SLC35D4: variants seen among roughly 807,000 people sequenced by gnomAD.
SLC35D4 encodes UDP-N-acetylglucosamine transporter SLC35D4.
the SLC35D4 span, among the ~76,000 whole-genome samples, chr18:23,328,499 G>T: frequency 6.6e-6 from 1 of 152,118 alleles, no homozygotes; most frequent in African/African-American, 2.4e-5. Flanking sequence ...ACTCACAAGG[G>T]ATGTAAAGGA....
the SLC35D4 span, among the ~76,000 whole-genome samples, chr18:23,419,546 C>A: frequency 4.6e-5 from 7 of 152,238 alleles, no homozygotes; most frequent in Admixed American, 4.6e-4. Context: ...CCTGTCTCGG[C>A]CTCCCAAAGT....
chr18:23,373,635 T>G, the SLC35D4 span: 1 of 1,518,582 alleles, frequency 6.6e-7, no homozygotes, highest in Non-Finnish European at 9.1e-7. Context: ...AAGGAAGGAC[T>G]AGGAAATTCT....
At chr18:23,411,533 GAAA>G in the SLC35D4 span, among the ~76,000 whole-genome samples, 7 of 151,308 alleles carry the variant, frequency 4.6e-5, no homozygotes, top group Non-Finnish European at 8.8e-5. Context: ...AAGAAAGAAA[GAAA>G]GAAAGAAAGA....
At chr18:23,390,154 T>C in the SLC35D4 span, among the ~76,000 whole-genome samples, 65 of 152,362 alleles carry the variant, frequency 4.3e-4, no homozygotes, top group Non-Finnish European at 7.6e-4. Flanking sequence ...ATCCCCATTA[T>C]ACGGTCAAGA....
At chr18:23,286,867 A>C in the SLC35D4 span, among the ~76,000 whole-genome samples, 1 of 152,048 alleles carries the variant, frequency 6.6e-6, no homozygotes, top group Non-Finnish European at 1.5e-5. Flanking sequence ...CCTGGATTAC[A>C]GCTGCATCTC....
At chr18:23,427,448 G>A in the SLC35D4 span, among the ~76,000 whole-genome samples, 66,945 of 151,608 alleles carry the variant, frequency 0.44, 16,009 homozygotes, top group Middle Eastern at 0.58. Context: ...TCAGAGAAAT[G>A]CAAATCAAAA....
chr18:23,337,544 T>A, the SLC35D4 span, among the ~76,000 whole-genome samples: 1 of 151,984 alleles, frequency 6.6e-6, no homozygotes, highest in African/African-American at 2.4e-5. Context: ...TAAAAAAAAA[T>A]TCATCTTTTT....
chr18:23,270,984 G>A, the SLC35D4 span, among the ~76,000 whole-genome samples: 1 of 152,222 alleles, frequency 6.6e-6, no homozygotes, highest in Non-Finnish European at 1.5e-5. Context: ...TGAGATTTGG[G>A]AGGGGCCGGG....
At chr18:23,307,158 G>A in the SLC35D4 span, among the ~76,000 whole-genome samples, 1 of 152,254 alleles carries the variant, frequency 6.6e-6, no homozygotes, top group South Asian at 2.1e-4. Context: ...GTGACGTCTG[G>A]CAAGAGGAGT....
the SLC35D4 span, among the ~76,000 whole-genome samples, chr18:23,295,212 C>T: frequency 2.1e-5 from 3 of 144,516 alleles, no homozygotes; most frequent in Non-Finnish European, 3.0e-5. Flanking sequence ...CCGGGCCTGT[C>T]GGGGGGTGGG....
At chr18:23,269,583 G>A in the SLC35D4 span, among the ~76,000 whole-genome samples, 1 of 152,224 alleles carries the variant, frequency 6.6e-6, no homozygotes, top group Admixed American at 6.5e-5. Context: ...CTGGGTAACA[G>A]GCAGAGACTG....
chr18:23,386,661 C>A, the SLC35D4 span, among the ~76,000 whole-genome samples: 4 of 111,088 alleles, frequency 3.6e-5, no homozygotes, highest in African/African-American at 1.0e-4. Context: ...GGGGCCACAT[C>A]AAAGAAATAT....
chr18:23,243,445 G>A, the SLC35D4 span, among the ~76,000 whole-genome samples: 467 of 146,956 alleles, frequency 3.2e-3, no homozygotes, highest in African/African-American at 0.011. Context: ...GGGAGGGAGG[G>A]TTGTTTTGGG....
the SLC35D4 span, among the ~76,000 whole-genome samples, chr18:23,332,726 G>C: frequency 6.6e-6 from 1 of 150,852 alleles, no homozygotes; most frequent in African/African-American, 2.4e-5. Context: ...GATGTATCAG[G>C]TCCGCTGAGA....
the SLC35D4 span, among the ~76,000 whole-genome samples, chr18:23,252,505 G>A: frequency 9.2e-5 from 14 of 152,216 alleles, no homozygotes; most frequent in Non-Finnish European, 1.9e-4. Context: ...AGTAGGCACT[G>A]TTACTGTTTT....
chr18:23,418,349 A>AATTATT, the SLC35D4 span, among the ~76,000 whole-genome samples: 10,803 of 142,490 alleles, frequency 0.076, 473 homozygotes, highest in Non-Finnish European at 0.093. Context: ...GAGAAGCCAA[A>AATTATT]ATTATTATTA....
chr18:23,326,792 A>G, the SLC35D4 span, among the ~76,000 whole-genome samples: 867 of 152,362 alleles, frequency 5.7e-3, 8 homozygotes, highest in African/African-American at 0.02. Flanking sequence ...AATTGATCAC[A>G]TAATTGGAAG....
the SLC35D4 span, among the ~76,000 whole-genome samples, chr18:23,251,321 C>T: frequency 2.0e-3 from 309 of 152,274 alleles, no homozygotes; most frequent in African/African-American, 7.3e-3. Flanking sequence ...CAAGGTGGCA[C>T]ATGCCTGTAG....
chr18:23,420,993 T>A, the SLC35D4 span, among the ~76,000 whole-genome samples: 1 of 151,842 alleles, frequency 6.6e-6, no homozygotes, highest in African/African-American at 2.4e-5. Context: ...CCTGTAATCC[T>A]AGCATTTTGG....
Sources: allele counts gnomAD v4.1 joint callset (sites outside exome capture counted in the v4.1 genomes callset), GRCh38; gene constraint gnomAD v4.1.1; transcripts MANE v1.5; gene names NCBI Gene and HGNC (gene_info 2026-07-23, HGNC 2026-07-21).